Variants in S100Z observed in about 807,000 individuals in gnomAD.
S100Z encodes the protein S100 calcium binding protein Z.
In S100Z, 11 loss-of-function variants were observed where a neutral mutation model predicts 8.5. The ratio of observed to expected loss-of-function variants is 1.30; its 90% CI spans 0.82 to 2.15. S100Z has a LOEUF of 2.15. Among genes scored for constraint, S100Z ranks in the 30% most tolerant of loss-of-function variants. The probability of loss-of-function intolerance (pLI) is 0.00; values close to 1 mark genes in which losing one functional copy is unlikely to be tolerated. For missense variants in S100Z, 126 were observed against 117.9 expected (o/e 1.07, Z -0.32); for synonymous variants, 34 against 43.8 (o/e 0.78, Z 0.89).
chr5:76,911,312 G>A lies in S100Z; in HGVS notation c.*3-9405G>A, dbSNP rs555695180. ...ACCGAACGGTCAGTGGAGACTAGTG[G>A]AAGATCTTAGACTCATCAAAAAGGC... On this transcript the variant is annotated intron_variant, in intron 4 of 4. Transcript: ENST00000317593. 2.0e-5 allele frequency among the ~76,000 whole-genome samples: 3 copies of A among 152,266 alleles called. No individual in the cohort carries two copies. The South Asian group carries it at 6.2e-4, about 32-fold the overall frequency.
At chr5:76,950,285 A>G in the S100Z span, among the ~76,000 whole-genome samples, 1 of 152,238 alleles carries the variant, frequency 6.6e-6, no homozygotes, top group Non-Finnish European at 1.5e-5. Context: ...TTTTGTGGTC[A>G]CCCTGAAAAC....
the S100Z span, among the ~76,000 whole-genome samples, chr5:76,932,378 G>A: frequency 5.9e-5 from 9 of 152,110 alleles, no homozygotes; most frequent in Non-Finnish European, 1.0e-4. Flanking sequence ...TTGAGACAGG[G>A]TCTCTCACTC....
At chr5:76,943,844 T>TA in the S100Z span, among the ~76,000 whole-genome samples, 1 of 152,212 alleles carries the variant, frequency 6.6e-6, no homozygotes, top group Admixed American at 6.5e-5. Context: ...GTTTCCATTC[T>TA]ATTAGCCAAC....
chr5:76,862,129 GC>G, intron 1 of S100Z, among the ~76,000 whole-genome samples: 1 of 120,108 alleles, frequency 8.3e-6, no homozygotes, highest in Non-Finnish European at 1.7e-5. Context: ...TAAGGAGTGT[GC>G]GTGTGTGTGT....
At chr5:76,904,390 C>T (rs374428390) in intron 4 of S100Z, among the ~76,000 whole-genome samples, 105 of 152,204 alleles carry the variant, frequency 6.9e-4, no homozygotes, top group African/African-American at 2.5e-3. Flanking sequence ...AGCAATTCTC[C>T]CTGCCTCAGC....
chr5:76,925,309 G>A (rs999891309), downstream of S100Z, among the ~76,000 whole-genome samples: 1 of 152,144 alleles, frequency 6.6e-6, no homozygotes, highest in East Asian at 1.9e-4. Context: ...GGGTGTGAAC[G>A]CCAAGAGGCA....
intron 1 of S100Z, among the ~76,000 whole-genome samples, chr5:76,853,393 T>G (rs770536021): frequency 7.2e-5 from 11 of 152,226 alleles, no homozygotes; most frequent in Non-Finnish European, 1.6e-4. Context: ...CCAACTTTTA[T>G]AGTAAGAGAT....
intron 1 of S100Z, among the ~76,000 whole-genome samples, chr5:76,864,396 T>A (rs1319557595): frequency 0.013 from 1,433 of 108,006 alleles, 54 homozygotes; most frequent in African/African-American, 0.065. Context: ...ATTTTTTTTT[T>A]TTTTTTTTTT....
chr5:76,905,468 A>G (rs1394525700), intron 4 of S100Z, among the ~76,000 whole-genome samples: 1 of 151,936 alleles, frequency 6.6e-6, no homozygotes, highest in Non-Finnish European at 1.5e-5. Context: ...GCTGGAGTGC[A>G]GTGGCATGAT....
chr5:76,877,091 T>C (rs1301428663), intron 3 of S100Z, among the ~76,000 whole-genome samples: 4 of 152,204 alleles, frequency 2.6e-5, no homozygotes, highest in Non-Finnish European at 1.5e-5. Flanking sequence ...ACTTGAGACA[T>C]ACTAAAACTA....
chr5:76,881,153 G>C (rs1418326569), intron 4 of S100Z, among the ~76,000 whole-genome samples: 1 of 152,138 alleles, frequency 6.6e-6, no homozygotes, highest in Non-Finnish European at 1.5e-5. Flanking sequence ...GAGACTTAAG[G>C]GTGGCAGTTT....
the S100Z span, among the ~76,000 whole-genome samples, chr5:76,942,837 C>T: frequency 6.6e-6 from 1 of 152,180 alleles, no homozygotes; most frequent in Non-Finnish European, 1.5e-5. Context: ...CTTGGGGACT[C>T]CCTAGTTCAG....
chr5:76,908,524 C>G (rs755740814), intron 4 of S100Z, among the ~76,000 whole-genome samples: 12 of 152,212 alleles, frequency 7.9e-5, no homozygotes, highest in Non-Finnish European at 1.5e-4. Context: ...CTTCAGGACT[C>G]TGTTACCTCC....
At chr5:76,926,252 G>T (rs1315243802), downstream of S100Z, among the ~76,000 whole-genome samples, 1 of 152,146 alleles carries the variant, frequency 6.6e-6, no homozygotes, top group Non-Finnish European at 1.5e-5. Context: ...TGAACTTAGA[G>T]TTGGTGATTA....
At chr5:76,895,765 CTTTTTTTTTTT>C (rs57723242) in intron 4 of S100Z, among the ~76,000 whole-genome samples, 2 of 88,336 alleles carry the variant, frequency 2.3e-5, no homozygotes, top group African/African-American at 7.5e-5. Flanking sequence ...TCTTTTCTTC[CTTTTTTTTTTT>C]TTTTTTTTTT....
downstream of S100Z, among the ~76,000 whole-genome samples, chr5:76,921,861 C>G (rs1389248483): frequency 6.6e-6 from 1 of 151,930 alleles, no homozygotes; most frequent in Non-Finnish European, 1.5e-5. Context: ...TGGCGGTGCA[C>G]GCCTGTATTC....
intron 1 of S100Z, among the ~76,000 whole-genome samples, chr5:76,864,403 T>A (rs1751191404): frequency 1.5e-5 from 2 of 129,300 alleles, no homozygotes; most frequent in South Asian, 2.8e-4. Flanking sequence ...TTTTTTTTTT[T>A]TTTTTTTTTT....
chr5:76,917,898 T>C (rs1167437389), intron 4 of S100Z, among the ~76,000 whole-genome samples: 3 of 152,148 alleles, frequency 2.0e-5, no homozygotes. Context: ...TATTTTTATG[T>C]CAAAGTGCCA....
chr5:76,873,812 A>G (rs1743088962), intron 2 of S100Z, among the ~76,000 whole-genome samples: 1 of 152,166 alleles, frequency 6.6e-6, no homozygotes. Context: ...GGCAGGATTT[A>G]AAAGCACAGT....
Sources: allele counts gnomAD v4.1 joint callset (sites outside exome capture counted in the v4.1 genomes callset), GRCh38; gene constraint gnomAD v4.1.1; transcripts MANE v1.5; gene names NCBI Gene and HGNC (gene_info 2026-07-23, HGNC 2026-07-21).